PDE3B: variants seen among roughly 807,000 people sequenced by gnomAD.
PDE3B encodes the protein phosphodiesterase 3B, also known as cGMP-inhibited 3',5'-cyclic phosphodiesterase 3B.
Under a neutral mutation model 116.8 loss-of-function variants are expected in PDE3B, and 66 were observed. The observed-to-expected ratio is 0.56, with a 90% confidence interval of 0.46 to 0.69. The LOEUF is 0.69. Among genes scored for constraint, PDE3B ranks in the 30% least tolerant of loss-of-function variants. PDE3B has a pLI of 0.00. For missense variants in PDE3B, 1,384 were observed against 1,368.1 expected, an observed-to-expected ratio of 1.01 and a Z score of -0.18; for synonymous variants, 595 against 533.6, an observed-to-expected ratio of 1.12 and a Z score of -1.59.
At chr11:14,886,959 T>C in the PDE3B span, 1 of 152,244 alleles carries the variant, frequency 6.6e-6, no homozygotes, top group African/African-American at 2.4e-5. Context: ...ACGGGTGGGC[T>C]CTGCCAAGTG....
intron 14 of PDE3B, among the ~76,000 whole-genome samples, chr11:14,865,146 G>A (rs900106477): frequency 2.6e-5 from 4 of 152,060 alleles, no homozygotes; most frequent in Admixed American, 6.6e-5. Context: ...AAATGATAAA[G>A]GGGAAATCAC....
intron 1 of PDE3B, among the ~76,000 whole-genome samples, chr11:14,663,440 T>C (rs997505106): frequency 6.6e-6 from 1 of 152,014 alleles, no homozygotes; most frequent in Non-Finnish European, 1.5e-5. Flanking sequence ...AATGACAGGA[T>C]CAAATTCACA....
At position 14,674,133 on chromosome 11, in the gene PDE3B, A is replaced by G; in HGVS notation, c.978+29080A>G. On this transcript the variant is annotated intron_variant, in intron 1 of 15. Transcript: ENST00000282096. ...ATGTTTCCTCATTTTCAACAGTAGG[A>G]TCTACCCGGGTCCTTTTCTTCCGAG... 4 of 1,450,148 alleles carry G rather than the reference A, an allele frequency of 2.8e-6. No individual in the cohort carries two copies. In the South Asian group the frequency reaches 3.4e-5, roughly 12 times the overall value. The allele number at this position is 1,450,148 out of a possible 1,614,324, so 89.8% of individuals were successfully genotyped here. A position where few individuals can be genotyped will look rare whatever the true frequency, so the allele number is the denominator to read the frequency against.
intron 14 of PDE3B, among the ~76,000 whole-genome samples, chr11:14,865,624 A>G (rs537062601): frequency 6.6e-6 from 1 of 152,282 alleles, no homozygotes; most frequent in South Asian, 2.1e-4. Flanking sequence ...AAGATTATTA[A>G]TATTTTACTA....
chr11:14,691,196 A>T (rs1439699850), intron 1 of PDE3B, among the ~76,000 whole-genome samples: 1 of 152,100 alleles, frequency 6.6e-6, no homozygotes, highest in African/African-American at 2.4e-5. Flanking sequence ...TAATGCTGTA[A>T]TTTTTCTGCA....
intron 2 of PDE3B, among the ~76,000 whole-genome samples, chr11:14,781,655 G>A (rs1279255222): frequency 6.6e-6 from 1 of 152,146 alleles, no homozygotes; most frequent in Non-Finnish European, 1.5e-5. Context: ...TTGATGGGAT[G>A]TATCTCAAAA....
intron 2 of PDE3B, among the ~76,000 whole-genome samples, chr11:14,779,633 C>T (rs1484022646): frequency 6.6e-6 from 1 of 152,148 alleles, no homozygotes; most frequent in Non-Finnish European, 1.5e-5. Context: ...GATTTTGTCA[C>T]CACCAGGCCT....
rs550818448 is a variant in PDE3B at position 14,648,364 on chromosome 11, A to G, written c.978+3311A>G. 4.6e-5 allele frequency among the ~76,000 whole-genome samples: 7 copies of G among 152,204 alleles called. No individual in the cohort carries two copies. In the South Asian group the frequency reaches 1.4e-3, roughly 32 times the overall value. On this transcript the variant is annotated intron_variant, in intron 1 of 15. Coordinates refer to ENST00000282096, the MANE Select transcript of PDE3B (RefSeq NM_000922.4). The stretch of plus-strand genomic sequence containing the variant: ...TTTTAATTTTATTTGAAAAAGGTAT[A>G]CATATGTAGTGTGAGAGCCTAAAAA...
intron 1 of PDE3B, among the ~76,000 whole-genome samples, chr11:14,725,224 C>T (rs11023315): frequency 0.12 from 18,173 of 152,108 alleles, 1,380 homozygotes; most frequent in African/African-American, 0.22. Context: ...AATTGGCAGG[C>T]TCAAACTTCC....
chr11:14,653,765 G>A (rs1010386609), intron 1 of PDE3B, among the ~76,000 whole-genome samples: 5 of 152,082 alleles, frequency 3.3e-5, no homozygotes, highest in Non-Finnish European at 7.4e-5. Flanking sequence ...TTGGGAGGCC[G>A]AGGTGGGTGG....
chr11:14,650,069 T>C (rs576325345), intron 1 of PDE3B, among the ~76,000 whole-genome samples: 1 of 152,262 alleles, frequency 6.6e-6, no homozygotes, highest in Admixed American at 6.5e-5. Context: ...TTTTTTCTTT[T>C]ACAACCAACA....
chr11:14,738,739 T>TA (rs1856670939), intron 1 of PDE3B, among the ~76,000 whole-genome samples: 1 of 152,230 alleles, frequency 6.6e-6, no homozygotes, highest in Non-Finnish European at 1.5e-5. Context: ...TTTTAGGTCT[T>TA]ACGCTTAAGT....
chr11:14,711,262 A>G (rs1855693619), intron 1 of PDE3B, among the ~76,000 whole-genome samples: 2 of 152,206 alleles, frequency 1.3e-5, no homozygotes, highest in Admixed American at 1.3e-4. Flanking sequence ...TTTGTTTTTA[A>G]TCTTTAATGT....
In PDE3B at chr11:14,796,108, G is replaced by T. The variant is rs544926532; in HGVS notation, c.1415+6866G>T. On this transcript the variant is annotated intron_variant, in intron 4 of 15. Coordinates refer to ENST00000282096, the MANE Select transcript of PDE3B (RefSeq NM_000922.4). ...TTCTCATTGTTCAACTCCCACTTAT[G>T]AGTGAGAACATGTGGTGTTTGGTTT... is the stretch of plus-strand genomic sequence containing the variant. 1.3e-4 allele frequency among the ~76,000 whole-genome samples: 20 copies of T among 152,144 alleles called. No individual in the cohort carries two copies. The South Asian group carries it at 4.2e-3, about 32-fold the overall frequency.
intron 1 of PDE3B, among the ~76,000 whole-genome samples, chr11:14,677,104 C>G (rs1425282822): frequency 6.6e-6 from 1 of 152,036 alleles, no homozygotes; most frequent in Non-Finnish European, 1.5e-5. Flanking sequence ...TGTTGGCTTA[C>G]ATATAGGAAG....
rs528163726 is a variant in PDE3B at position 14,741,579 on chromosome 11, C to T, written c.979-30358C>T. ...CATGTCTTTTACTTGGGGCATTTAG[C>T]CCATTTACATTTAAGGTTAATATTG... On this transcript the variant is annotated intron_variant, in intron 1 of 15. Coordinates refer to ENST00000282096, the MANE Select transcript of PDE3B (RefSeq NM_000922.4). Among the ~76,000 whole-genome samples the T allele has an allele frequency of 2.0e-4, 31 of 152,182 alleles. No homozygotes were observed. The South Asian group carries it at 6.2e-3, about 31-fold the overall frequency.
chr11:14,690,550 CT>C (rs559758600), intron 1 of PDE3B, among the ~76,000 whole-genome samples: 124 of 148,186 alleles, frequency 8.4e-4, no homozygotes, highest in African/African-American at 2.8e-3. Context: ...GATGCTGTGA[CT>C]TTTTTTTCTC....
At chr11:14,895,750 C>T in the PDE3B span, among the ~76,000 whole-genome samples, 2 of 152,304 alleles carry the variant, frequency 1.3e-5, no homozygotes, top group Admixed American at 6.5e-5. Flanking sequence ...TTAAATGATA[C>T]TAATTGAACA....
chr11:14,673,477 G>A, intron 1 of PDE3B: 1 of 278,928 alleles, frequency 3.6e-6, no homozygotes, highest in Non-Finnish European at 7.5e-6. Flanking sequence ...AAAAACATCA[G>A]TTGTTACACA....
Sources: gnomAD v4.1 joint callset for allele counts (sites outside exome capture counted in the v4.1 genomes callset) on GRCh38, gnomAD v4.1.1 for gene constraint, MANE v1.5 for transcripts, NCBI Gene and HGNC (gene_info 2026-07-23, HGNC 2026-07-21) for gene names.